The following ARID1B variants were observed in gnomAD, a reference collection of about 807,000 sequenced individuals.
ARID1B encodes the protein AT-rich interactive domain-containing protein 1B.
In ARID1B, 30 loss-of-function variants were observed where a neutral mutation model predicts 212.3. That is an observed-to-expected ratio of 0.14 (90% CI 0.11 to 0.19). The LOEUF (loss-of-function observed/expected upper bound fraction) is 0.19. Among genes scored for constraint, ARID1B ranks in the 10% least tolerant of loss-of-function variants. The pLI is 1.00. For missense variants in ARID1B, 2,891 were observed against 3,204.0 expected (o/e 0.90, Z 2.36); for synonymous variants, 1,402 against 1,301.7 (o/e 1.08, Z -1.66).
At chr6:157,076,286 TTC>T (rs368709973) in intron 4 of ARID1B, among the ~76,000 whole-genome samples, 55 of 151,672 alleles carry the variant, frequency 3.6e-4, no homozygotes, top group African/African-American at 1.2e-3. Context: ...TTGTGTGTTT[TTC>T]TGTTAGGTTT....
intron 1 of ARID1B, among the ~76,000 whole-genome samples, chr6:156,824,685 A>C (rs920298484): frequency 6.6e-6 from 1 of 152,088 alleles, no homozygotes; most frequent in African/African-American, 2.4e-5. Flanking sequence ...GAATCACTTG[A>C]ACCCGGGAGG....
intron 13 of ARID1B, among the ~76,000 whole-genome samples, chr6:157,188,956 A>T (rs1793168559): frequency 6.6e-6 from 1 of 152,172 alleles, no homozygotes; most frequent in Non-Finnish European, 1.5e-5. Context: ...ACTTAAAGCC[A>T]AATCTCAGCA....
intron 5 of ARID1B, among the ~76,000 whole-genome samples, chr6:157,090,716 C>T (rs988379539): frequency 6.6e-6 from 1 of 152,226 alleles, no homozygotes; most frequent in African/African-American, 2.4e-5. Context: ...GCCACCTGGC[C>T]TCTCGGCAGA....
At chr6:156,881,547 A>G (rs780158794) in intron 2 of ARID1B, among the ~76,000 whole-genome samples, 20 of 152,206 alleles carry the variant, frequency 1.3e-4, no homozygotes, top group Non-Finnish European at 2.1e-4. Context: ...TCGGTTTTGC[A>G]TCATTCCTTC....
chr6:157,132,822 G>C (rs766675681), intron 6 of ARID1B, among the ~76,000 whole-genome samples: 9 of 152,120 alleles, frequency 5.9e-5, no homozygotes, highest in Non-Finnish European at 1.3e-4. Context: ...AATCCTCTTG[G>C]GAATTCAGGG....
Position 156,955,638 on chromosome 6 carries a change from C to T in ARID1B, c.2247+20062C>T, listed in dbSNP as rs2128313209. ...CTTTTAAGCTAGTTCACCTTGCCAC[C>T]TGAGTGATACGCCTCAGCTCCTTCC... On this transcript the variant is annotated intron_variant, in intron 4 of 19. Transcript: ENST00000636930. This position sits in a 1 kb window ranked among gnomAD's most constrained non-coding sequence, Gnocchi z 4.2. 6.6e-6 allele frequency among the ~76,000 whole-genome samples: 1 copy of T among 152,282 alleles called. No individual in the cohort carries two copies. The highest frequency in any genetic ancestry group is 2.1e-4 in the South Asian group (1 of 4,824).
intron 3 of ARID1B, among the ~76,000 whole-genome samples, chr6:156,918,430 A>G (rs1218031996): frequency 6.6e-6 from 1 of 152,210 alleles, no homozygotes; most frequent in Non-Finnish European, 1.5e-5. Context: ...AAACAAGGAC[A>G]TATATAGTTT....
intron 4 of ARID1B, among the ~76,000 whole-genome samples, chr6:156,950,828 A>G (rs1314691682): frequency 6.6e-6 from 1 of 152,160 alleles, no homozygotes; most frequent in Non-Finnish European, 1.5e-5. Flanking sequence ...CCCTTCTTAA[A>G]TCATACTTAC....
chr6:157,181,586 C>T (rs1160067755), intron 12 of ARID1B, among the ~76,000 whole-genome samples: 2 of 152,202 alleles, frequency 1.3e-5, no homozygotes, highest in East Asian at 3.8e-4. Flanking sequence ...CTATCCAGAA[C>T]AGGTTAGCAG....
At chr6:156,812,456 T>A (rs1781617414) in intron 1 of ARID1B, among the ~76,000 whole-genome samples, 1 of 152,206 alleles carries the variant, frequency 6.6e-6, no homozygotes, top group Admixed American at 6.5e-5. Context: ...TTTATAAGCC[T>A]CTGTCCTATA....
chr6:157,030,912 G>C lies in ARID1B; in HGVS notation c.2248-53750G>C, dbSNP rs112278011. ...CTGTACTCAGCAGCACGAGGCTACCGTGCGTGTTCTTTCCACTGCTGGCTA... is the reference window on the plus strand; with the variant it reads ...CTGTACTCAGCAGCACGAGGCTACCCTGCGTGTTCTTTCCACTGCTGGCTA... On this transcript the variant is annotated intron_variant, in intron 4 of 19. Transcript: ENST00000636930. Among the ~76,000 whole-genome samples the C allele has an allele frequency of 8.1e-3, 1,237 of 152,270 alleles. 23 individuals carry two copies. The highest frequency in any genetic ancestry group is 0.028 in the African/African-American group (1,181 of 41,546).
chr6:156,789,804 C>T (rs1779894559), intron 1 of ARID1B, among the ~76,000 whole-genome samples: 1 of 152,154 alleles, frequency 6.6e-6, no homozygotes, highest in African/African-American at 2.4e-5. Flanking sequence ...TGTGTGGTTT[C>T]CTCATTTGTC....
intron 1 of ARID1B, among the ~76,000 whole-genome samples, chr6:156,802,877 CTG>C (rs1421354477): frequency 3.3e-5 from 5 of 152,262 alleles, no homozygotes; most frequent in African/African-American, 1.2e-4. Flanking sequence ...GAGTATGTAG[CTG>C]TGTGTTATTT....
chr6:157,133,084 A>T lies in ARID1B; in HGVS notation c.2638A>T (p.Thr880Ser). ...GATGGCTCAGTATGGACCTCAACAG[A>T]CAGGACCATCCATGTCGCCTCATCC... ...PQMAQYGPQQ[T>S]GPSMSPHPSP... Residue 880 changes from threonine (T) to serine (S), a missense_variant, in exon 7 of 20, where the codon ACA becomes TCA. Around this residue, in one of 7 missense-constraint regions of ARID1B, gnomAD observed 1,643 missense variants for 1,544.0 expected, o/e 1.06. Transcript: ENST00000636930. The T allele has an allele frequency of 6.2e-7, 1 of 1,614,166 alleles. No homozygotes were observed. The highest frequency in any genetic ancestry group is 8.5e-7 in the Non-Finnish European group (1 of 1,180,040).
At chr6:157,171,083 G>A (rs1791687572) in intron 9 of ARID1B, among the ~76,000 whole-genome samples, 1 of 152,226 alleles carries the variant, frequency 6.6e-6, no homozygotes, top group South Asian at 2.1e-4. Flanking sequence ...GAGGAAGAAA[G>A]CAGGCATGAG....
intron 8 of ARID1B, among the ~76,000 whole-genome samples, chr6:157,160,336 C>T (rs1218598305): frequency 6.6e-6 from 1 of 152,212 alleles, no homozygotes; most frequent in African/African-American, 2.4e-5. Context: ...TCAGTGACTG[C>T]TCCATTATCT....
chr6:156,844,956 G>A (rs1015102657), intron 2 of ARID1B, among the ~76,000 whole-genome samples: 5 of 152,118 alleles, frequency 3.3e-5, no homozygotes, highest in Non-Finnish European at 7.3e-5. Flanking sequence ...TCTCAAGATG[G>A]TGGAACCCAT....
chr6:157,179,489 T>C (rs968093160), intron 11 of ARID1B, among the ~76,000 whole-genome samples: 5 of 152,198 alleles, frequency 3.3e-5, no homozygotes, highest in South Asian at 2.1e-4. Context: ...TTCACACATA[T>C]ATGAATATGT....
intron 6 of ARID1B, among the ~76,000 whole-genome samples, chr6:157,125,825 A>C (rs1788099196): frequency 6.6e-6 from 1 of 152,198 alleles, no homozygotes; most frequent in Non-Finnish European, 1.5e-5. Context: ...AAGAAATGGA[A>C]GAGAAAGGAG....
Sources: allele counts gnomAD v4.1 joint callset (sites outside exome capture counted in the v4.1 genomes callset), GRCh38; gene constraint gnomAD v4.1.1; regional missense constraint gnomAD v4.1.1; non-coding constraint Gnocchi (gnomAD v3.1); transcripts MANE v1.5; gene names NCBI Gene and HGNC (gene_info 2026-07-23, HGNC 2026-07-21).